RBFOX1: variants seen among roughly 807,000 people sequenced by gnomAD.
RBFOX1 encodes RNA binding fox-1 homolog 1, also known as RNA binding protein fox-1 homolog 1.
Under a neutral mutation model 57.7 loss-of-function variants are expected in RBFOX1, and 8 were observed. The observed-to-expected ratio is 0.14, with a 90% CI of 0.08 to 0.25. The LOEUF (loss-of-function observed/expected upper bound fraction) is 0.25. Among genes scored for constraint, RBFOX1 ranks in the 10% least tolerant of loss-of-function variants. The pLI is 1.00. For synonymous variants in RBFOX1, 326 were observed against 222.4 expected, an observed-to-expected ratio of 1.47 and a Z score of -4.15; for missense variants, 611 against 548.5, an observed-to-expected ratio of 1.11 and a Z score of -1.14.
chr16:5,448,598 G>C (rs980789261), intron 1 of RBFOX1, among the ~76,000 whole-genome samples: 3 of 152,120 alleles, frequency 2.0e-5, no homozygotes, highest in Admixed American at 2.0e-4. Context: ...GCACTGAGTG[G>C]GTACTCTGGG....
At chr16:7,244,271 A>AC (rs1555621284) in intron 4 of RBFOX1, among the ~76,000 whole-genome samples, 2 of 128,824 alleles carry the variant, frequency 1.6e-5, no homozygotes, top group Admixed American at 7.6e-5. Context: ...AAAAAAAAAA[A>AC]CACCCTTGGG....
chr16:5,827,156 C>T (rs1364477886), intron 3 of RBFOX1, among the ~76,000 whole-genome samples: 1 of 152,090 alleles, frequency 6.6e-6, no homozygotes, highest in African/African-American at 2.4e-5. Flanking sequence ...AATCCCAGCA[C>T]TCTAGGAGGC....
At chr16:7,495,888 C>G (rs1178097891) in intron 4 of RBFOX1, among the ~76,000 whole-genome samples, 2 of 106,676 alleles carry the variant, frequency 1.9e-5, no homozygotes, top group African/African-American at 7.3e-5. Context: ...CTTCTCCATT[C>G]AAAGATACTA....
intron 1 of RBFOX1, among the ~76,000 whole-genome samples, chr16:6,118,423 G>A (rs1208649359): frequency 6.6e-6 from 1 of 152,114 alleles, no homozygotes; most frequent in Non-Finnish European, 1.5e-5. Context: ...TTCAATGTTT[G>A]GTGAGTGCTG....
chr16:5,448,769 G>GT (rs997918853), intron 1 of RBFOX1, among the ~76,000 whole-genome samples: 1 of 152,220 alleles, frequency 6.6e-6, no homozygotes, highest in African/African-American at 2.4e-5. Flanking sequence ...GCAGCAGATA[G>GT]TTTTTTGAGC....
At chr16:6,325,182 C>A (rs1293666159) in intron 2 of RBFOX1, among the ~76,000 whole-genome samples, 1 of 151,782 alleles carries the variant, frequency 6.6e-6, no homozygotes, top group African/African-American at 2.4e-5. Flanking sequence ...ATAGTGATAA[C>A]CCATCTCTAC....
chr16:6,656,797 A>G (rs2098656624), intron 3 of RBFOX1, among the ~76,000 whole-genome samples: 1 of 152,146 alleles, frequency 6.6e-6, no homozygotes, highest in Non-Finnish European at 1.5e-5. Flanking sequence ...TGATAAGAAA[A>G]AATAATGCCC....
chr16:5,807,473 T>C (rs906934506), intron 3 of RBFOX1, among the ~76,000 whole-genome samples: 2 of 152,212 alleles, frequency 1.3e-5, no homozygotes, highest in African/African-American at 4.8e-5. Flanking sequence ...TTTTGGTTAC[T>C]ATTAAAATGG....
At chr16:5,251,482 C>G (rs1345225105) in intron 1 of RBFOX1, among the ~76,000 whole-genome samples, 1 of 152,186 alleles carries the variant, frequency 6.6e-6, no homozygotes, top group African/African-American at 2.4e-5. Context: ...AGAGCCACCC[C>G]TAGTACCTGC....
chr16:6,267,769 A>G (rs367750169), intron 1 of RBFOX1, among the ~76,000 whole-genome samples: 1 of 152,142 alleles, frequency 6.6e-6, no homozygotes, highest in African/African-American at 2.4e-5. Context: ...TTTACCAAGT[A>G]TGATAACCAG....
At chr16:6,442,523 C>T (rs1249374646) in intron 2 of RBFOX1, among the ~76,000 whole-genome samples, 2 of 151,660 alleles carry the variant, frequency 1.3e-5, no homozygotes, top group Admixed American at 6.6e-5. Flanking sequence ...CACCACTGCA[C>T]TCCAGCCTGG....
chr16:5,329,106 C>T (rs984599306), intron 1 of RBFOX1, among the ~76,000 whole-genome samples: 4 of 152,024 alleles, frequency 2.6e-5, no homozygotes, highest in South Asian at 2.1e-4. Flanking sequence ...GAGTAGTTTC[C>T]GTTATTATTT....
chr16:7,707,309 A>C (rs2082775212), intron 14 of RBFOX1, among the ~76,000 whole-genome samples: 1 of 152,114 alleles, frequency 6.6e-6, no homozygotes, highest in Non-Finnish European at 1.5e-5. Flanking sequence ...TCACCTTCTC[A>C]GACTCCATGG....
chr16:7,709,085 A>G lies in RBFOX1; in HGVS notation c.1025A>G (p.Tyr342Cys). ...SYGRVYAADPYHHALAPAPTY... is the reference protein window; with the variant it reads ...SYGRVYAADPCHHALAPAPTY... ...GGACGAGTTTATGCTGCCGACCCCT[A>G]CCACCACGCACTTGCTCCAGCCCCC... The change falls in exon 15 of 16, where the codon TAC becomes TGC. Residue 342 changes from tyrosine to cysteine, a missense_variant. By Grantham distance (194) the Tyr-to-Cys change is radical. This residue lies in a region of RBFOX1 where 267 missense variants were observed against 229.1 expected (regional missense o/e 1.17). Coordinates refer to ENST00000550418, the MANE Select transcript of RBFOX1 (RefSeq NM_018723.4). The G allele has an allele frequency of 6.2e-7, 1 of 1,613,580 alleles. No homozygotes were observed. The highest frequency in any genetic ancestry group is 8.5e-7 in the Non-Finnish European group (1 of 1,179,740).
intron 4 of RBFOX1, among the ~76,000 whole-genome samples, chr16:7,394,893 C>T (rs908275803): frequency 6.6e-6 from 1 of 152,194 alleles, no homozygotes; most frequent in African/African-American, 2.4e-5. Context: ...TTGCCGTCCC[C>T]TGCAGCCTTC....
intron 2 of RBFOX1, among the ~76,000 whole-genome samples, chr16:5,531,071 G>A (rs2044458918): frequency 6.6e-6 from 1 of 151,746 alleles, no homozygotes; most frequent in African/African-American, 2.4e-5. Flanking sequence ...CTTGCAGTAA[G>A]CCGAGATTGC....
rs1223191346 is a variant in RBFOX1, at chr16:7,439,945, C to CTTTTTT, written c.28-78199_28-78198insTTTTTT. On this transcript the variant is annotated intron_variant, in intron 4 of 15. Coordinates refer to ENST00000550418, the MANE Select transcript of RBFOX1 (RefSeq NM_018723.4). ...GAACCACAAAACAACCAAATCTTTT[C>CTTTTTT]TTTCTTTTTTTTTTTTTTTTTTTTG... is the stretch of plus-strand genomic sequence containing the variant. 1.4e-4 allele frequency among the ~76,000 whole-genome samples: 16 copies of CTTTTTT among 113,382 alleles called. 1 individual carries two copies. Among genetic ancestry groups the CTTTTTT allele is most frequent in the East Asian group, 2.7e-4 (1 of 3,654 alleles). 74.4% of individuals were successfully genotyped at this position (113,382 alleles called of 152,430 possible). A position where few individuals can be genotyped will look rare whatever the true frequency, so the allele number is the denominator to read the frequency against.
intron 1 of RBFOX1, among the ~76,000 whole-genome samples, chr16:5,308,300 C>G (rs2063991009): frequency 6.6e-6 from 1 of 151,506 alleles, no homozygotes; most frequent in Non-Finnish European, 1.5e-5. Flanking sequence ...ACACTCTAGC[C>G]TGGGTGACAG....
At chr16:5,431,350 C>T (rs2067727721) in intron 1 of RBFOX1, among the ~76,000 whole-genome samples, 1 of 152,148 alleles carries the variant, frequency 6.6e-6, no homozygotes, top group Admixed American at 6.5e-5. Context: ...GTCTGGGTTA[C>T]AGTAATTCTA....
Sources: allele counts gnomAD v4.1 joint callset (sites outside exome capture counted in the v4.1 genomes callset), GRCh38; gene constraint gnomAD v4.1.1; regional missense constraint gnomAD v4.1.1; transcripts MANE v1.5; gene names NCBI Gene and HGNC (gene_info 2026-07-23, HGNC 2026-07-21).